The following MYOZ3 variants were observed in gnomAD, a reference collection of about 807,000 sequenced individuals.
MYOZ3 encodes myozenin 3, also known as myozenin-3.
Under a neutral mutation model 26.5 loss-of-function variants are expected in MYOZ3, and 19 were observed. The observed-to-expected ratio is 0.72, with a 90% CI of 0.50 to 1.05. The LOEUF is 1.05. Ranked by LOEUF, MYOZ3 falls within the 50% of genes least tolerant of loss-of-function variation. The pLI is 0.00. For synonymous variants in MYOZ3, 135 were observed against 138.8 expected (o/e 0.97, Z 0.19); for missense variants, 322 against 337.1 (o/e 0.96, Z 0.35).
intron 5 of MYOZ3, 111 bp downstream of exon 5, chr5:150,672,019 C>A (rs1561671208): frequency 7.2e-7 from 1 of 1,384,354 alleles, no homozygotes; most frequent in Non-Finnish European, 9.7e-7. Flanking sequence ...CCTTCCCCAA[C>A]ACACACGCGC....
chr5:150,672,173 AG>A, intron 5 of MYOZ3, 166 bp from the exon 6 acceptor site: 1 of 1,092,734 alleles, frequency 9.2e-7, no homozygotes, highest in Non-Finnish European at 1.4e-6. Flanking sequence ...TGGGATGGGG[AG>A]GGGTCTCCTG....
intron 2 of MYOZ3, among the ~76,000 whole-genome samples, chr5:150,668,633 G>T (rs1325818395): frequency 6.6e-6 from 1 of 152,224 alleles, no homozygotes; most frequent in Non-Finnish European, 1.5e-5. Context: ...TGATTTTAGA[G>T]ATGGACTAGG....
chr5:150,671,659 G>A lies in MYOZ3; in HGVS notation c.270+9G>A. ...CAGCGGAGTCGGGGACGGTGAGCGTGGAGGGGAGCTCCCTGGAAGGGAAGC... is the reference window on the plus strand; with the variant it reads ...CAGCGGAGTCGGGGACGGTGAGCGTAGAGGGGAGCTCCCTGGAAGGGAAGC... On this transcript the variant is annotated intron_variant, in intron 4 of 6. Coordinates refer to ENST00000517768, the MANE Select transcript of MYOZ3 (RefSeq NM_001122853.3). 1 of 1,613,922 alleles carries A rather than the reference G, an allele frequency of 6.2e-7. No individual in the cohort carries two copies. Among genetic ancestry groups the A allele is most frequent in the Non-Finnish European group, 8.5e-7 (1 of 1,180,008 alleles).
In MYOZ3 at chr5:150,676,791, C is replaced by T. The variant is rs752366612; in HGVS notation, c.672C>T (p.Gly224=). The T allele has an allele frequency of 1.3e-5, 21 of 1,613,914 alleles. No individual in the cohort carries two copies. The South Asian group carries it at 2.0e-4, about 15-fold the overall frequency. The change falls in exon 7 of 7, where the codon GGC becomes GGT. Residue 224 remains glycine (G), a synonymous_variant. Transcript: ENST00000517768. ...CCTTCATCCCGGAGCCCCTCAGTGG[C>T]TTGGAACTCCTCCGTCTCAGACCCA... The part of the protein sequence containing the change: ...GTPFIPEPLS[G]LELLRLRPSF...
rs1378143245 is a variant in MYOZ3 at position 150,677,793 on chromosome 5, T to C, written c.*918T>C. 6.6e-6 allele frequency: 1 copy of C among 151,984 alleles called. No individual in the cohort carries two copies. The highest frequency in any genetic ancestry group is 1.5e-5 in the Non-Finnish European group (1 of 68,022). The allele number at this position is 151,984 out of a possible 1,614,324, so 9.4% of individuals were successfully genotyped here. On this transcript the variant is annotated 3_prime_UTR_variant, in exon 7 of 7. Transcript: ENST00000517768. ...TTCCCTAAAGCATGCTTATTGACAATTGAGGAACAAAGTGTTGTGGAGCAG... is the reference window on the plus strand; with the variant it reads ...TTCCCTAAAGCATGCTTATTGACAACTGAGGAACAAAGTGTTGTGGAGCAG...
intron 6 of MYOZ3, among the ~76,000 whole-genome samples, chr5:150,675,492 C>A (rs1758990201): frequency 6.6e-6 from 1 of 152,108 alleles, no homozygotes; most frequent in African/African-American, 2.4e-5. Context: ...TCTGCCTCAG[C>A]CTCCCAGGTA....
chr5:150,671,143 A>G (rs1484251905), intron 3 of MYOZ3, among the ~76,000 whole-genome samples: 5 of 152,204 alleles, frequency 3.3e-5, no homozygotes, highest in Non-Finnish European at 5.9e-5. Flanking sequence ...GGGCTATTCC[A>G]TCCACCCTCC....
Position 150,671,664 on chromosome 5 carries a change from G to A in MYOZ3, c.270+14G>A, listed in dbSNP as rs750261767. 6.2e-7 allele frequency: 1 copy of A among 1,613,850 alleles called. No homozygotes were observed. Among genetic ancestry groups the A allele is most frequent in the South Asian group, 1.1e-5 (1 of 91,068 alleles). ...GAGTCGGGGACGGTGAGCGTGGAGG[G>A]GAGCTCCCTGGAAGGGAAGCTGGGG... On this transcript the variant is annotated intron_variant, in intron 4 of 6. Coordinates refer to ENST00000517768, the MANE Select transcript of MYOZ3 (RefSeq NM_001122853.3).
At chr5:150,669,662 T>C (rs1758870685) in intron 2 of MYOZ3, among the ~76,000 whole-genome samples, 1 of 119,786 alleles carries the variant, frequency 8.3e-6, no homozygotes, top group South Asian at 2.6e-4. Context: ...TTTTTTTTTT[T>C]TTTGATGGAA....
In MYOZ3 at chr5:150,670,498, C is replaced by T. The variant is rs745991554; in HGVS notation, c.76C>T (p.Leu26=). The part of the protein sequence containing the change: ...DLTEPVPTLD[L]GKKLSVPQDL... ...TTTCCTGGCAGTCCCTACGCTGGAC[C>T]TGGGCAAGAAGCTGAGCGTGCCCCA... Residue 26 remains leucine (L), a synonymous_variant, in exon 3 of 7, where the codon CTG becomes TTG. Coordinates refer to ENST00000517768, the MANE Select transcript of MYOZ3 (RefSeq NM_001122853.3). 1.2e-6 allele frequency: 2 copies of T among 1,611,474 alleles called. No individual in the cohort carries two copies. Among genetic ancestry groups the T allele is most frequent in the East Asian group, 2.2e-5 (1 of 44,844 alleles).
At chr5:150,665,670 C>T (rs1758796672) in intron 2 of MYOZ3, among the ~76,000 whole-genome samples, 1 of 151,968 alleles carries the variant, frequency 6.6e-6, no homozygotes, top group African/African-American at 2.4e-5. Context: ...CCCAAGCAAT[C>T]CACCCACTTT....
chr5:150,664,009 G>C (rs201910228), intron 2 of MYOZ3, among the ~76,000 whole-genome samples: 1 of 147,250 alleles, frequency 6.8e-6, no homozygotes, highest in African/African-American at 2.5e-5. Context: ...AAAAAAAAAA[G>C]AAAAAGAAAA....
At chr5:150,671,294 A>T (rs976186259) in intron 3 of MYOZ3, 31 of 443,662 alleles carry the variant, frequency 7.0e-5, no homozygotes, top group Admixed American at 2.3e-4. Flanking sequence ...TAATGCTCAT[A>T]GACCCCTCTG....
At chr5:150,665,538 T>A (rs1180901446) in intron 2 of MYOZ3, among the ~76,000 whole-genome samples, 1 of 152,188 alleles carries the variant, frequency 6.6e-6, no homozygotes, top group African/African-American at 2.4e-5. Flanking sequence ...TTTATTCAAC[T>A]TTTTCCCCGA....
In MYOZ3 at chr5:150,672,474, A is replaced by G; in HGVS notation, c.559A>G (p.Ser187Gly). The change falls in exon 6 of 7, where the codon AGC becomes GGC. Residue 187 changes from serine to glycine, a missense_variant. By Grantham distance (56) the Ser-to-Gly change is moderately conservative (BLOSUM62 0). Coordinates refer to ENST00000517768, the MANE Select transcript of MYOZ3 (RefSeq NM_001122853.3). ...GAGCGATGGCCGAAGTCACACCCCC[A>G]GCCCCAACGACTACCGAAATTTCAA... ...YQSDGRSHTP[S>G]PNDYRNFNKT... 6.3e-7 allele frequency: 1 copy of G among 1,583,980 alleles called. No homozygotes were observed. The highest frequency in any genetic ancestry group is 8.6e-7 in the Non-Finnish European group (1 of 1,162,940).
intron 2 of MYOZ3, among the ~76,000 whole-genome samples, chr5:150,664,326 G>A (rs1342576022): frequency 6.6e-6 from 1 of 152,156 alleles, no homozygotes; most frequent in East Asian, 1.9e-4. Context: ...CTAACTAGAA[G>A]GGTCAGGCAA....
intron 5 of MYOZ3, 134 bp from the exon 6 acceptor site, chr5:150,672,206 C>G (rs1355018997): frequency 7.4e-7 from 1 of 1,349,314 alleles, no homozygotes; most frequent in Admixed American, 2.0e-5. Flanking sequence ...CTGTGGCTTC[C>G]CATTCCCGCC....
rs115005295 is a variant in MYOZ3 at position 150,665,082 on chromosome 5, C to T, written c.61+2080C>T. Among the ~76,000 whole-genome samples the T allele has an allele frequency of 4.0e-3, 601 of 152,040 alleles. 3 individuals are homozygous for T. The highest frequency in any genetic ancestry group is 0.014 in the African/African-American group (572 of 41,444). ...TGATTTATCTCACGCCTTCCTTCCC[C>T]GTGCTTACCAGCTTTCTGCTGTTTG... On this transcript the variant is annotated intron_variant, in intron 2 of 6. Coordinates refer to ENST00000517768, the MANE Select transcript of MYOZ3 (RefSeq NM_001122853.3).
intron 5 of MYOZ3, 142 bp downstream of exon 5, chr5:150,672,050 A>C: frequency 7.7e-7 from 1 of 1,306,972 alleles, no homozygotes; most frequent in Non-Finnish European, 1.0e-6. Flanking sequence ...TCCCCTCGCC[A>C]GACCACGAGC....
Sources: allele counts gnomAD v4.1 joint callset (sites outside exome capture counted in the v4.1 genomes callset), GRCh38; gene constraint gnomAD v4.1.1; transcripts MANE v1.5; gene names NCBI Gene and HGNC (gene_info 2026-07-23, HGNC 2026-07-21).